The following ARHGAP24 variants were observed in gnomAD, a reference collection of about 807,000 sequenced individuals.
ARHGAP24 encodes Rho GTPase activating protein 24.
A neutral mutation model predicts 76.4 loss-of-function variants in ARHGAP24; 50 were observed. The observed-to-expected ratio is 0.65, with a 90% CI of 0.52 to 0.83. The LOEUF is 0.83. Ranked by LOEUF, ARHGAP24 falls within the 40% of genes least tolerant of loss-of-function variation. The pLI, the probability that ARHGAP24 is intolerant of heterozygous loss-of-function variation, is 0.00. For missense variants in ARHGAP24, 930 were observed against 914.2 expected (o/e 1.02, Z -0.22); for synonymous variants, 345 against 323.3 (o/e 1.07, Z -0.72).
At chr4:85,499,499 G>A (rs1226462880) in intron 1 of ARHGAP24, among the ~76,000 whole-genome samples, 2 of 152,124 alleles carry the variant, frequency 1.3e-5, no homozygotes, top group Non-Finnish European at 2.9e-5. Context: ...CTTTGGTGAC[G>A]ATTCAAGGTC....
intron 3 of ARHGAP24, among the ~76,000 whole-genome samples, chr4:85,875,749 G>A (rs1475017704): frequency 1.4e-5 from 2 of 141,796 alleles, no homozygotes; most frequent in East Asian, 4.0e-4. Context: ...TTTGGTTGTG[G>A]GGGAGAACAG....
intron 3 of ARHGAP24, among the ~76,000 whole-genome samples, chr4:85,856,075 A>C (rs1731541010): frequency 6.6e-6 from 1 of 152,182 alleles, no homozygotes; most frequent in South Asian, 2.1e-4. Context: ...AATTCCCACC[A>C]GCATGTTTAA....
intron 3 of ARHGAP24, among the ~76,000 whole-genome samples, chr4:85,890,044 G>T (rs922047086): frequency 2.6e-5 from 4 of 151,884 alleles, no homozygotes; most frequent in South Asian, 4.2e-4. Flanking sequence ...TTCCCATCAT[G>T]CTGTCAGGGT....
At chr4:85,974,135 C>T (rs939884012) in intron 6 of ARHGAP24, among the ~76,000 whole-genome samples, 2 of 151,550 alleles carry the variant, frequency 1.3e-5, no homozygotes, top group African/African-American at 4.9e-5. Context: ...AGATTACAGG[C>T]GTGAGCCAAT....
At chr4:85,812,401 C>T (rs1190381399) in intron 3 of ARHGAP24, among the ~76,000 whole-genome samples, 1 of 151,964 alleles carries the variant, frequency 6.6e-6, no homozygotes, top group Non-Finnish European at 1.5e-5. Context: ...ATATCTTGAG[C>T]TTTTAAGATT....
chr4:85,954,243 A>G (rs1346845216), intron 5 of ARHGAP24, among the ~76,000 whole-genome samples: 1 of 152,224 alleles, frequency 6.6e-6, no homozygotes, highest in Non-Finnish European at 1.5e-5. Context: ...GAAGAATAGT[A>G]ACTTTATCAA....
At chr4:85,936,511 T>G (rs1486168968) in intron 4 of ARHGAP24, among the ~76,000 whole-genome samples, 1 of 152,058 alleles carries the variant, frequency 6.6e-6, no homozygotes, top group Non-Finnish European at 1.5e-5. Context: ...CCTAAACCTC[T>G]CCGAAGCTCA....
chr4:85,666,956 C>T (rs1313053402), intron 2 of ARHGAP24, among the ~76,000 whole-genome samples: 1 of 152,202 alleles, frequency 6.6e-6, no homozygotes, highest in Non-Finnish European at 1.5e-5. Flanking sequence ...GTCAGGGACC[C>T]ACTTGAGGAG....
At chr4:85,880,522 TGTG>T (rs1252415228) in intron 3 of ARHGAP24, among the ~76,000 whole-genome samples, 19 of 202 alleles carry the variant, frequency 0.094, no homozygotes, top group Admixed American at 0.25. Flanking sequence ...ATAACTTTTG[TGTG>T]TGTGTGTGTG....
intron 8 of ARHGAP24, among the ~76,000 whole-genome samples, chr4:85,983,301 T>C (rs993566789): frequency 2.6e-5 from 4 of 152,148 alleles, no homozygotes; most frequent in African/African-American, 4.8e-5. Context: ...AGTAATTGGA[T>C]GGCTGGATCA....
At chr4:85,565,120 C>T (rs776902438) in intron 1 of ARHGAP24, among the ~76,000 whole-genome samples, 10 of 151,336 alleles carry the variant, frequency 6.6e-5, no homozygotes, top group Non-Finnish European at 1.2e-4. Flanking sequence ...ATACCTAGCA[C>T]GTAGACATAC....
chr4:85,731,025 CACAGAG>C (rs1361540684), intron 3 of ARHGAP24, among the ~76,000 whole-genome samples: 1,354 of 83,672 alleles, frequency 0.016, 17 homozygotes, highest in South Asian at 0.051. Flanking sequence ...CACACACACA[CACAGAG>C]AGAGAGACTG....
intron 3 of ARHGAP24, among the ~76,000 whole-genome samples, chr4:85,788,387 T>C (rs1185561001): frequency 6.6e-6 from 1 of 152,222 alleles, no homozygotes; most frequent in Non-Finnish European, 1.5e-5. Context: ...CATTTTTAGC[T>C]ATCTATTTTG....
chr4:85,660,856 A>T (rs1288851014), intron 2 of ARHGAP24, among the ~76,000 whole-genome samples: 3 of 149,372 alleles, frequency 2.0e-5, no homozygotes, highest in African/African-American at 7.4e-5. Context: ...GCTGGTAGAC[A>T]TAACCTTTCA....
chr4:85,873,441 TAC>T (rs1732653377), intron 3 of ARHGAP24, among the ~76,000 whole-genome samples: 1 of 152,164 alleles, frequency 6.6e-6, no homozygotes, highest in Non-Finnish European at 1.5e-5. Context: ...ATTCAGCAAA[TAC>T]TGGGAATTAT....
intron 2 of ARHGAP24, among the ~76,000 whole-genome samples, chr4:85,699,164 A>G (rs1723976717): frequency 6.6e-6 from 1 of 152,196 alleles, no homozygotes. Flanking sequence ...CCTTACAAAC[A>G]TGATCCTATG....
chr4:85,708,803 T>C (rs1401232065), intron 2 of ARHGAP24, among the ~76,000 whole-genome samples: 1 of 152,164 alleles, frequency 6.6e-6, no homozygotes, highest in Non-Finnish European at 1.5e-5. Flanking sequence ...TACCTTCATA[T>C]CTATTATCAT....
intron 3 of ARHGAP24, among the ~76,000 whole-genome samples, chr4:85,901,668 C>T (rs934812496): frequency 2.0e-5 from 3 of 152,182 alleles, no homozygotes; most frequent in African/African-American, 7.2e-5. Context: ...GCTTCACCCT[C>T]TTTATTGTAA....
chr4:85,709,393 T>C, intron 2 of ARHGAP24, among the ~76,000 whole-genome samples: 1 of 152,108 alleles, frequency 6.6e-6, no homozygotes, highest in East Asian at 1.9e-4. Flanking sequence ...ATAGTAATAA[T>C]AAAATGTAAC....
Sources: gnomAD v4.1 joint callset for allele counts (sites outside exome capture counted in the v4.1 genomes callset) on GRCh38, gnomAD v4.1.1 for gene constraint, MANE v1.5 for transcripts, NCBI Gene and HGNC (gene_info 2026-07-23, HGNC 2026-07-21) for gene names.